PRR29: variants seen among roughly 807,000 people sequenced by gnomAD.
PRR29 encodes the protein proline-rich protein 29.
PRR29 carries 20 observed loss-of-function variants against 25.1 expected under a neutral mutation model. The observed-to-expected ratio is 0.80, with a 90% confidence interval of 0.56 to 1.16. The LOEUF (loss-of-function observed/expected upper bound fraction) is 1.16, where lower values mean the gene tolerates loss of function less well. PRR29 is among the 50% of genes most tolerant of loss of function. The pLI is 0.00. For synonymous variants in PRR29, 108 were observed against 102.6 expected (o/e 1.05, Z -0.32); for missense variants, 238 against 246.6 (o/e 0.97, Z 0.23).
Position 64,003,466 on chromosome 17 carries a change from A to C in PRR29, c.*1705A>C, listed in dbSNP as rs1274869788. On this transcript the variant is annotated 3_prime_UTR_variant, in exon 6 of 6. Transcript: ENST00000412177. ...CCTCTCCCGACCTCTGGAGCAGTTG[A>C]GGTCCAAGCTGGGGACTTGGAAAGA... 3.2e-6 allele frequency: 2 copies of C among 629,596 alleles called. No individual in the cohort carries two copies. The highest frequency in any genetic ancestry group is 5.6e-6 in the Non-Finnish European group (2 of 356,936). 39.0% of individuals were successfully genotyped at this position (629,596 alleles called of 1,614,324 possible). A position where few individuals can be genotyped will look rare whatever the true frequency, so the allele number is the denominator to read the frequency against.
At chr17:64,000,985 C>T in intron 3 of PRR29, 99 bp from the exon 4 acceptor site, 1 of 1,049,890 alleles carries the variant, frequency 9.5e-7, no homozygotes, top group Non-Finnish European at 1.4e-6. Flanking sequence ...TCTTACAAAG[C>T]CTATCTGGAG....
At chr17:63,998,921 G>C in intron 2 of PRR29, 47 bp from the exon 3 acceptor site, 1 of 1,508,598 alleles carries the variant, frequency 6.6e-7, no homozygotes, top group Non-Finnish European at 8.9e-7. Flanking sequence ...GTCAGGGGGA[G>C]GGGGACTCGG....
rs374671405 is a variant in PRR29 at position 64,004,009 on chromosome 17, G to C, written c.*2248G>C. On this transcript the variant is annotated 3_prime_UTR_variant, in exon 6 of 6. Coordinates refer to ENST00000412177, the MANE Select transcript of PRR29 (RefSeq NM_001164257.2). ...GAGGTCTGGTCAGGATGGGGGTGCA[G>C]TCCCAGCAGCCTCCCCCTGGCCAGG... 1.2e-5 allele frequency: 17 copies of C among 1,435,634 alleles called. No individual in the cohort carries two copies. The highest frequency in any genetic ancestry group is 1.6e-5 in the Non-Finnish European group (17 of 1,055,982). 88.9% of individuals were successfully genotyped at this position (1,435,634 alleles called of 1,614,324 possible). A position where few individuals can be genotyped will look rare whatever the true frequency, so the allele number is the denominator to read the frequency against.
At position 64,000,819 on chromosome 17, in the gene PRR29, A is replaced by ATTT. The variant is rs55731979; in HGVS notation, c.244-248_244-246dup. 925 of 306,754 alleles carry ATTT rather than the reference A, an allele frequency of 3.0e-3. 10 individuals are homozygous for ATTT. The highest frequency in any genetic ancestry group is 0.02 in the African/African-American group (848 of 42,278). The allele number at this position is 306,754 out of a possible 1,614,324, so 19.0% of individuals were successfully genotyped here. On this transcript the variant is annotated intron_variant, in intron 3 of 5. Transcript: ENST00000412177. ...AGGCGCCCACCACCATGCCCAGCTA[A>ATTT]TTTTTTTTTTTTTTTTTTTGGTATT...
At chr17:63,998,474 G>C in intron 1 of PRR29, 50 bp downstream of exon 1, 1 of 1,446,504 alleles carries the variant, frequency 6.9e-7, no homozygotes, top group South Asian at 1.4e-5. Context: ...GGAGACGGCA[G>C]AGTGGGGAGC....
chr17:63,999,592 G>C (rs921422845), intron 3 of PRR29: 1 of 164,354 alleles, frequency 6.1e-6, no homozygotes, highest in Non-Finnish European at 1.3e-5. Flanking sequence ...TTGAAAGCCA[G>C]GTAGGATTTT....
chr17:63,999,222 T>C (rs1369103888), intron 3 of PRR29, 148 bp downstream of exon 3: 6 of 657,690 alleles, frequency 9.1e-6, no homozygotes, highest in Non-Finnish European at 1.6e-5. Context: ...TTGGCATCTG[T>C]CATGTTTCAG....
Position 64,003,503 on chromosome 17 carries a change from G to A in PRR29, c.*1742G>A. ...GGGACTTGGAAAGAACTTCAGGGAAGAGGGAGAGTAAGAGGGAAGCCTCAG... is the reference window on the plus strand; with the variant it reads ...GGGACTTGGAAAGAACTTCAGGGAAAAGGGAGAGTAAGAGGGAAGCCTCAG... On this transcript the variant is annotated 3_prime_UTR_variant, in exon 6 of 6. Transcript: ENST00000412177. 1 of 763,632 alleles carries A rather than the reference G, an allele frequency of 1.3e-6. No individual in the cohort carries two copies. Among genetic ancestry groups the A allele is most frequent in the South Asian group, 1.8e-5 (1 of 56,452 alleles). 47.3% of individuals were successfully genotyped at this position (763,632 alleles called of 1,614,324 possible).
Position 64,001,546 on chromosome 17 carries a change from G to A in PRR29, c.541+9G>A, listed in dbSNP as rs1174767163. On this transcript the variant is annotated intron_variant, in intron 5 of 5. Coordinates refer to ENST00000412177, the MANE Select transcript of PRR29 (RefSeq NM_001164257.2). ...TGTACCCCCGGCTTCAGGTAGGGCT[G>A]GGGTGGTGGGCAGCGGGGCCCAGGC... The A allele has an allele frequency of 5.3e-6, 8 of 1,517,802 alleles. No homozygotes were observed. The Admixed American group carries it at 1.5e-4, about 28-fold the overall frequency. 94.0% of individuals were successfully genotyped at this position (1,517,802 alleles called of 1,614,324 possible).
At chr17:64,001,035 G>A (rs1036394414) in intron 3 of PRR29, 49 bp from the exon 4 acceptor site, 6 of 1,433,760 alleles carry the variant, frequency 4.2e-6, no homozygotes, top group Non-Finnish European at 5.7e-6. Context: ...GGTGGGGAGA[G>A]CCTGATGGTA....
chr17:64,002,515 A>G lies in PRR29; in HGVS notation c.*754A>G. On this transcript the variant is annotated 3_prime_UTR_variant, in exon 6 of 6. Transcript: ENST00000412177. ...TGAAGGAGAGGGTGGGGAGGGAGGC[A>G]TCTAGGGAGAGGGGTCCCCCATGGT... The G allele has an allele frequency of 3.7e-6, 2 of 538,866 alleles. No individual in the cohort carries two copies. The highest frequency in any genetic ancestry group is 6.6e-6 in the Non-Finnish European group (2 of 301,296). The allele number at this position is 538,866 out of a possible 1,614,324, so 33.4% of individuals were successfully genotyped here.
rs200153461 is a variant in PRR29, at chr17:64,000,626, G to A, written c.244-458G>A. Reference sequence around the variant, plus strand: ...TTACAGGCATGAGCCACCGCGCCCCGCCTACACAAGCCATTCTTTTTTTTT... The same window carrying A: ...TTACAGGCATGAGCCACCGCGCCCCACCTACACAAGCCATTCTTTTTTTTT... On this transcript the variant is annotated intron_variant, in intron 3 of 5. Coordinates refer to ENST00000412177, the MANE Select transcript of PRR29 (RefSeq NM_001164257.2). Among the ~76,000 whole-genome samples the A allele has an allele frequency of 2.7e-5, 4 of 150,942 alleles. No homozygotes were observed. In the South Asian group the frequency reaches 6.3e-4, roughly 24 times the overall value.
rs1475071310 is a variant in PRR29, at chr17:63,998,421, G to T, written c.57G>T (p.Pro19=). 2.7e-6 allele frequency: 4 copies of T among 1,493,542 alleles called. No homozygotes were observed. In the South Asian group the frequency reaches 5.1e-5, roughly 19 times the overall value. The allele number at this position is 1,493,542 out of a possible 1,614,324, so 92.5% of individuals were successfully genotyped here. Residue 19 remains proline, a synonymous_variant, in exon 1 of 6, where the codon CCG becomes CCT. Transcript: ENST00000412177. ...WGRSPPQSAV[P]TPWVTFLQPL... Reference sequence around the variant, plus strand: ...GCTCCCCACCGCAGAGCGCAGTCCCGACGGTGAGGGCTGAGCCCGGGAGCA... The same window carrying T: ...GCTCCCCACCGCAGAGCGCAGTCCCTACGGTGAGGGCTGAGCCCGGGAGCA...
chr17:64,001,982 C>T lies in PRR29; in HGVS notation c.*221C>T. On this transcript the variant is annotated 3_prime_UTR_variant, in exon 6 of 6. Transcript: ENST00000412177. Reference sequence around the variant, plus strand: ...GATCTGTGCTGTTGTGTAAGAGCTCCCTAGAGCACCACCCAGGCCCTTGAA... The same window carrying T: ...GATCTGTGCTGTTGTGTAAGAGCTCTCTAGAGCACCACCCAGGCCCTTGAA... 1 of 1,534,470 alleles carries T rather than the reference C, an allele frequency of 6.5e-7. No homozygotes were observed. Among genetic ancestry groups the T allele is most frequent in the South Asian group, 1.2e-5 (1 of 84,018 alleles).
At chr17:63,998,913 C>G in intron 2 of PRR29, 55 bp from the exon 3 acceptor site, 6 of 1,488,224 alleles carry the variant, frequency 4.0e-6, no homozygotes, top group Non-Finnish European at 5.4e-6. Flanking sequence ...ACAGGGGTGT[C>G]AGGGGGAGGG....
intron 3 of PRR29, among the ~76,000 whole-genome samples, chr17:64,000,523 G>T (rs1205644126): frequency 6.6e-6 from 1 of 151,372 alleles, no homozygotes; most frequent in South Asian, 2.1e-4. Flanking sequence ...TAGAGACGGG[G>T]TTTCACTATG....
In PRR29 at chr17:64,001,202, G is replaced by T. The variant is rs930718520; in HGVS notation, c.362G>T (p.Gly121Val). 2 of 1,537,414 alleles carry T rather than the reference G, an allele frequency of 1.3e-6. No homozygotes were observed. The highest frequency in any genetic ancestry group is 1.7e-6 in the Non-Finnish European group (2 of 1,146,944). ...TTGCCCTATTTGATGCCCTCCCCGG[G>T]TGCCCTGCTGCCCTGGCCAGCCCCC... ...HYLPYLMPSP[G>V]ALLPWPAPFF... The change falls in exon 4 of 6, where the codon GGT (glycine) becomes GTT (valine). Residue 121 changes from glycine to valine, a missense_variant. By Grantham distance (109) the Gly-to-Val change is moderately radical. Coordinates refer to ENST00000412177, the MANE Select transcript of PRR29 (RefSeq NM_001164257.2).
At position 64,003,856 on chromosome 17, in the gene PRR29, G is replaced by T; in HGVS notation, c.*2095G>T. The T allele has an allele frequency of 6.2e-7, 1 of 1,614,248 alleles. No homozygotes were observed. The highest frequency in any genetic ancestry group is 8.5e-7 in the Non-Finnish European group (1 of 1,180,042). The stretch of plus-strand genomic sequence containing the variant: ...CTCATTGCCACGGAACAGGAAGAGG[G>T]TGAGGCTGTCCAGGGGCTCCACGGT... On this transcript the variant is annotated 3_prime_UTR_variant, in exon 6 of 6. Coordinates refer to ENST00000412177, the MANE Select transcript of PRR29 (RefSeq NM_001164257.2).
Position 64,000,940 on chromosome 17 carries a change from A to G in PRR29, c.244-144A>G, listed in dbSNP as rs137914642. On this transcript the variant is annotated intron_variant, in intron 3 of 5. Transcript: ENST00000412177. ...CTCGGCCTCCCACAGTGCTGGGATT[A>G]CAGGCGTGAGCCACCATGCCTGGCC... The G allele has an allele frequency of 4.1e-3, 2,948 of 715,794 alleles. 46 individuals carry two copies. Among genetic ancestry groups the G allele is most frequent in the East Asian group, 0.03 (1,090 of 36,924 alleles). 44.3% of individuals were successfully genotyped at this position (715,794 alleles called of 1,614,324 possible).
Sources: allele counts gnomAD v4.1 joint callset (sites outside exome capture counted in the v4.1 genomes callset), GRCh38; gene constraint gnomAD v4.1.1; transcripts MANE v1.5; gene names NCBI Gene and HGNC (gene_info 2026-07-23, HGNC 2026-07-21).